Variants in DLC1 observed in about 807,000 individuals in gnomAD.
The protein encoded by DLC1 is rho GTPase-activating protein 7.
A neutral mutation model predicts 140.3 loss-of-function variants in DLC1; 54 were observed. That is an observed-to-expected ratio of 0.38 (90% CI 0.31 to 0.48). DLC1 has a LOEUF of 0.48. Among genes scored for constraint, DLC1 ranks in the 20% least tolerant of loss-of-function variants. The pLI, the probability that DLC1 is intolerant of heterozygous loss-of-function variation, is 0.96. For synonymous variants in DLC1, 986 were observed against 728.1 expected (o/e 1.35, Z -5.70); for missense variants, 2,536 against 1,907.0 (o/e 1.33, Z -6.14).
Position 13,390,852 on chromosome 8 carries a change from G to C in DLC1, c.1314+2701C>G, listed in dbSNP as rs761607511. Among the ~76,000 whole-genome samples, 44 of 152,100 alleles carry C rather than the reference G, an allele frequency of 2.9e-4. 1 individual carries two copies. The highest frequency in any genetic ancestry group is 2.1e-4 in the South Asian group (1 of 4,830). ...AATACAAAAAAATTAGCCAGGCGTGGTGGAGGGCACCTGTAGTCCCAGCTA... is the reference window on the plus strand; with the variant it reads ...AATACAAAAAAATTAGCCAGGCGTGCTGGAGGGCACCTGTAGTCCCAGCTA... On this transcript the variant is annotated intron_variant, in intron 4 of 17. Transcript: ENST00000276297.
intron 3 of DLC1, among the ~76,000 whole-genome samples, chr8:13,398,087 C>T (rs4454276): frequency 0.13 from 19,873 of 151,558 alleles, 1,584 homozygotes; most frequent in Non-Finnish European, 0.19. Context: ...GCCTAGATTG[C>T]GCCACTGCAC....
intron 1 of DLC1, among the ~76,000 whole-genome samples, chr8:13,587,848 G>C (rs905274537): frequency 7.7e-5 from 11 of 143,700 alleles, no homozygotes; most frequent in Non-Finnish European, 1.7e-4. Flanking sequence ...AATTTCTCCT[G>C]TATCATATCA....
chr8:13,308,760 G>T (rs1832556531), intron 4 of DLC1, among the ~76,000 whole-genome samples: 1 of 152,124 alleles, frequency 6.6e-6, no homozygotes, highest in Non-Finnish European at 1.5e-5. Flanking sequence ...AGAGTGCGAA[G>T]AATATAGATC....
At chr8:13,314,128 A>C in intron 4 of DLC1, among the ~76,000 whole-genome samples, 1 of 151,944 alleles carries the variant, frequency 6.6e-6, no homozygotes, top group East Asian at 1.9e-4. Flanking sequence ...TTTGCATTTA[A>C]TCAGAACTCT....
At chr8:13,331,262 A>C (rs1409073652) in intron 4 of DLC1, among the ~76,000 whole-genome samples, 1 of 152,212 alleles carries the variant, frequency 6.6e-6, no homozygotes, top group Non-Finnish European at 1.5e-5. Flanking sequence ...CTGGAAAATA[A>C]TGATTGATAG....
At chr8:13,453,549 TATA>T (rs1799250708) in intron 2 of DLC1, among the ~76,000 whole-genome samples, 1 of 52,552 alleles carries the variant, frequency 1.9e-5, no homozygotes, top group African/African-American at 1.0e-4. Flanking sequence ...CATATATATA[TATA>T]TATATTTTTT....
chr8:13,578,109 G>A (rs966692812), intron 1 of DLC1, among the ~76,000 whole-genome samples: 12 of 151,900 alleles, frequency 7.9e-5, no homozygotes, highest in Admixed American at 2.6e-4. Context: ...CAACTCCCTG[G>A]GAGTTGGCTC....
At chr8:13,171,888 T>C (rs1825505612) in intron 5 of DLC1, among the ~76,000 whole-genome samples, 1 of 152,062 alleles carries the variant, frequency 6.6e-6, no homozygotes. Context: ...AAGAGAGGTT[T>C]GGTTCTAAAG....
Position 13,506,604 on chromosome 8 carries a change from T to C in DLC1, c.-125-6408A>G, listed in dbSNP as rs1415263158. On this transcript the variant is annotated intron_variant, in intron 1 of 17. Transcript: ENST00000276297. ...GTGTATATATATATATATATATATA[T>C]ATATACACATATATATACACACAGA... 3.9e-3 allele frequency among the ~76,000 whole-genome samples: 446 copies of C among 115,380 alleles called. 10 individuals carry two copies. Among genetic ancestry groups the C allele is most frequent in the African/African-American group, 0.015 (435 of 28,914 alleles). 75.7% of individuals were successfully genotyped at this position (115,380 alleles called of 152,430 possible).
At chr8:13,458,909 G>T (rs1423898377) in intron 2 of DLC1, among the ~76,000 whole-genome samples, 1 of 151,796 alleles carries the variant, frequency 6.6e-6, no homozygotes, top group African/African-American at 2.4e-5. Flanking sequence ...AATTAGTTAT[G>T]CACAATAGCA....
chr8:13,391,041 A>G (rs948553580), intron 4 of DLC1, among the ~76,000 whole-genome samples: 1 of 151,358 alleles, frequency 6.6e-6, no homozygotes, highest in Admixed American at 6.6e-5. Context: ...TACTCTTATT[A>G]TTGGCCATTT....
chr8:13,453,557 T>TACATATATATATA (rs1491341936), intron 2 of DLC1, among the ~76,000 whole-genome samples: 1 of 24,276 alleles, frequency 4.1e-5, no homozygotes, highest in African/African-American at 2.7e-4. Context: ...TATATATATA[T>TACATATATATATA]TTTTTTTTTT....
chr8:13,100,858 C>T, intron 8 of DLC1, 88 bp from the exon 9 acceptor site: 6 of 1,351,816 alleles, frequency 4.4e-6, no homozygotes, highest in Non-Finnish European at 5.9e-6. Flanking sequence ...CATAATATGC[C>T]AGTAGTATCA....
At chr8:13,196,677 G>C (rs1196594851) in intron 5 of DLC1, among the ~76,000 whole-genome samples, 1 of 152,210 alleles carries the variant, frequency 6.6e-6, no homozygotes, top group African/African-American at 2.4e-5. Context: ...TTGATCATCT[G>C]TGATCATCTG....
rs755369549 is a variant in DLC1 at position 13,499,150 on chromosome 8, G to C, written c.922C>G (p.Pro308Ala). The C allele has an allele frequency of 3.1e-6, 5 of 1,614,114 alleles. No homozygotes were observed. Among genetic ancestry groups the C allele is most frequent in the Non-Finnish European group, 4.2e-6 (5 of 1,179,994 alleles). The stretch of plus-strand genomic sequence containing the variant: ...ATGCCATCTTCTGCCTTGACCTTTG[G>C]TGGACTTTTGTTTTGATGTTGTGAA... The part of the protein sequence containing the change: ...GFSQHQNKSP[P>A]KVKAEDGMQC... Residue 308 changes from proline (P) to alanine (A), a missense_variant, in exon 2 of 18, where the codon CCA (proline) becomes GCA (alanine). By Grantham distance (27) the Pro-to-Ala change is conservative. Transcript: ENST00000276297.
At chr8:13,219,146 TTATATAATTATATGAATATAAC>T (rs879718971) in intron 5 of DLC1, among the ~76,000 whole-genome samples, 38,775 of 115,850 alleles carry the variant, frequency 0.33, 9,327 homozygotes, top group East Asian at 0.64. Context: ...GTGAATATAA[TTATATAATTATATGAATATAAC>T]TATATAATTA....
chr8:13,566,910 C>T (rs1333618758), intron 1 of DLC1: 2 of 1,445,010 alleles, frequency 1.4e-6, no homozygotes, highest in Non-Finnish European at 9.1e-7. Context: ...GATCCATTCC[C>T]GGAGGGGTCA....
intron 4 of DLC1, among the ~76,000 whole-genome samples, chr8:13,390,219 C>A (rs946651876): frequency 6.6e-6 from 1 of 152,106 alleles, no homozygotes; most frequent in Non-Finnish European, 1.5e-5. Context: ...AAATAACATG[C>A]CCACACACAA....
At chr8:13,599,314 A>T (rs116395515) in intron 1 of DLC1, among the ~76,000 whole-genome samples, 1,952 of 152,084 alleles carry the variant, frequency 0.013, 48 homozygotes, top group African/African-American at 0.044. Context: ...GATAAAATGC[A>T]TGTGCCATAG....
Sources: gnomAD v4.1 joint callset for allele counts (sites outside exome capture counted in the v4.1 genomes callset) on GRCh38, gnomAD v4.1.1 for gene constraint, MANE v1.5 for transcripts, NCBI Gene and HGNC (gene_info 2026-07-23, HGNC 2026-07-21) for gene names.